The following PFN2 variants were observed in gnomAD, a reference collection of about 807,000 sequenced individuals.
The protein encoded by PFN2 is profilin-2.
Under a neutral mutation model 15.3 loss-of-function variants are expected in PFN2, and 8 were observed. That is an observed-to-expected ratio of 0.52 (90% CI 0.31 to 0.95). PFN2 has a LOEUF of 0.95. Ranked by LOEUF, PFN2 falls within the 40% of genes least tolerant of loss-of-function variation. The pLI is 0.05. For synonymous variants in PFN2, 79 were observed against 67.9 expected (o/e 1.16, Z -0.81); for missense variants, 111 against 182.3 (o/e 0.61, Z 2.25).
At position 149,966,532 on chromosome 3, in the gene PFN2, T is replaced by G. The variant is rs747945423; in HGVS notation, c.380A>C (p.Lys127Thr). The G allele has an allele frequency of 6.2e-7, 1 of 1,613,122 alleles. No homozygotes were observed. Among genetic ancestry groups the G allele is most frequent in the Non-Finnish European group, 8.5e-7 (1 of 1,179,096 alleles). ...CAAGTATTTTGCCATTGAGTATGCC[T>G]TCTTATTCAATCCGCCTCCATGGAC... ...EGVHGGGLNK[K>T]AYSMAKYLRD... Residue 127 changes from lysine to threonine, a missense_variant, in exon 3 of 3, where the codon AAG (lysine) becomes ACG (threonine). Transcript: ENST00000239940.
At chr3:149,967,155 G>A (rs890508377) in intron 2 of PFN2, among the ~76,000 whole-genome samples, 2 of 152,136 alleles carry the variant, frequency 1.3e-5, no homozygotes, top group African/African-American at 4.8e-5. Flanking sequence ...CTTCACCGTA[G>A]TAGCCTTGTT....
At chr3:149,969,083 T>C (rs1172211422) in intron 1 of PFN2, among the ~76,000 whole-genome samples, 3 of 152,204 alleles carry the variant, frequency 2.0e-5, no homozygotes, top group African/African-American at 4.8e-5. Context: ...CGTGATGAGA[T>C]GGACTTCAAC....
rs1722673738 is a variant in PFN2 at position 149,965,817 on chromosome 3, CT to C, written c.*671del. On this transcript the variant is annotated 3_prime_UTR_variant, in exon 3 of 3. Coordinates refer to ENST00000239940, the MANE Select transcript of PFN2 (RefSeq NM_053024.4). ...ATGAGCCAAGTAAATGCTCAAAGTG[CT>C]GAAAAGACACTGATCAGAGATTGTA... 9.2e-7 allele frequency: 1 copy of C among 1,085,702 alleles called. No homozygotes were observed. The highest frequency in any genetic ancestry group is 4.7e-5 in the Admixed American group (1 of 21,178). 67.3% of individuals were successfully genotyped at this position (1,085,702 alleles called of 1,614,324 possible).
Position 149,965,935 on chromosome 3 carries a change from T to C in PFN2, c.*554A>G. On this transcript the variant is annotated 3_prime_UTR_variant, in exon 3 of 3. Transcript: ENST00000239940. ...GTGATGCCCAACTTGGCATGCCCCC[T>C]CCCCCCAATTTCAAGGTATCATGCA... 7.6e-7 allele frequency: 1 copy of C among 1,320,928 alleles called. No homozygotes were observed. The highest frequency in any genetic ancestry group is 9.6e-7 in the Non-Finnish European group (1 of 1,038,646). The allele number at this position is 1,320,928 out of a possible 1,614,324, so 81.8% of individuals were successfully genotyped here. A position where few individuals can be genotyped will look rare whatever the true frequency, so the allele number is the denominator to read the frequency against.
In PFN2 at chr3:149,965,204, G is replaced by T. The variant is rs1227429673; in HGVS notation, c.*1285C>A. Reference sequence around the variant, plus strand: ...CAACAGTTCATTTTAACAATAGTATGGCACAGAATACATATGAAAAAAATT... The same window carrying T: ...CAACAGTTCATTTTAACAATAGTATTGCACAGAATACATATGAAAAAAATT... On this transcript the variant is annotated 3_prime_UTR_variant, in exon 3 of 3. Coordinates refer to ENST00000239940, the MANE Select transcript of PFN2 (RefSeq NM_053024.4). The T allele has an allele frequency of 2.0e-6, 3 of 1,520,082 alleles. No individual in the cohort carries two copies. In the East Asian group the frequency reaches 7.4e-5, roughly 37 times the overall value. The allele number at this position is 1,520,082 out of a possible 1,614,324, so 94.2% of individuals were successfully genotyped here. A position where few individuals can be genotyped will look rare whatever the true frequency, so the allele number is the denominator to read the frequency against.
Position 149,968,490 on chromosome 3 carries a change from T to C in PFN2, c.193A>G (p.Thr65Ala), listed in dbSNP as rs17851599. 6.2e-7 allele frequency: 1 copy of C among 1,613,400 alleles called. No homozygotes were observed. The highest frequency in any genetic ancestry group is 8.5e-7 in the Non-Finnish European group (1 of 1,179,888). The change falls in exon 2 of 3, where the codon ACT becomes GCT. Residue 65 changes from threonine to alanine, a missense_variant. Thr to Ala is a moderately conservative substitution (Grantham distance 58, BLOSUM62 0). Transcript: ENST00000239940. ...ACTGAGCATTTCTTCGCGCCAAGAG[T>C]CAAACCGTTGGTAAAGAAACCTTCC... ...DREGFFTNGL[T>A]LGAKKCSVIR...
chr3:149,969,892 T>TA (rs1296258961), intron 1 of PFN2, among the ~76,000 whole-genome samples: 2 of 152,126 alleles, frequency 1.3e-5, no homozygotes, highest in African/African-American at 4.8e-5. Flanking sequence ...GGGAGGGACT[T>TA]AGAGAAGTGA....
rs372786538 is a variant in PFN2, at chr3:149,965,154, T to C, written c.*1335A>G. 111 of 1,250,768 alleles carry C rather than the reference T, an allele frequency of 8.9e-5. No homozygotes were observed. In the East Asian group the frequency reaches 1.6e-3, roughly 18 times the overall value. 77.5% of individuals were successfully genotyped at this position (1,250,768 alleles called of 1,614,324 possible). A position where few individuals can be genotyped will look rare whatever the true frequency, so the allele number is the denominator to read the frequency against. On this transcript the variant is annotated 3_prime_UTR_variant, in exon 3 of 3. Transcript: ENST00000239940. ...CCATTCGAAAGAAACCCTTAATAGG[T>C]CAGTTAAAATCCATCTCACAATAGC...
Position 149,965,107 on chromosome 3 carries a change from C to G in PFN2, c.*1382G>C. The G allele has an allele frequency of 1.3e-6, 1 of 752,814 alleles. No individual in the cohort carries two copies. Among genetic ancestry groups the G allele is most frequent in the Non-Finnish European group, 2.0e-6 (1 of 488,522 alleles). The allele number at this position is 752,814 out of a possible 1,614,324, so 46.6% of individuals were successfully genotyped here. ...AAGGCCCAAACAATAGAAGCAAATACTAGAATGTCCCTAAAGTAGTGCCAT... is the reference window on the plus strand; with the variant it reads ...AAGGCCCAAACAATAGAAGCAAATAGTAGAATGTCCCTAAAGTAGTGCCAT... On this transcript the variant is annotated 3_prime_UTR_variant, in exon 3 of 3. Coordinates refer to ENST00000239940, the MANE Select transcript of PFN2 (RefSeq NM_053024.4).
intron 2 of PFN2, among the ~76,000 whole-genome samples, chr3:149,967,961 A>C (rs531775394): frequency 1.5e-4 from 23 of 152,318 alleles, no homozygotes; most frequent in African/African-American, 4.8e-4. Context: ...AAATGGTTAG[A>C]ATACAAGCAA....
Position 149,965,993 on chromosome 3 carries a change from T to G in PFN2, c.*496A>C. 1.4e-6 allele frequency: 2 copies of G among 1,387,396 alleles called. No homozygotes were observed. The highest frequency in any genetic ancestry group is 9.3e-7 in the Non-Finnish European group (1 of 1,071,388). The allele number at this position is 1,387,396 out of a possible 1,614,324, so 85.9% of individuals were successfully genotyped here. Reference sequence around the variant, plus strand: ...ATTGTGCTGCAATTATGTTGCCAGATAAGGGTTGGTTACATACAGTGGTTA... The same window carrying G: ...ATTGTGCTGCAATTATGTTGCCAGAGAAGGGTTGGTTACATACAGTGGTTA... On this transcript the variant is annotated 3_prime_UTR_variant, in exon 3 of 3. Coordinates refer to ENST00000239940, the MANE Select transcript of PFN2 (RefSeq NM_053024.4).
chr3:149,968,259 T>C (rs1722746068), intron 2 of PFN2, 99 bp downstream of exon 2: 28 of 1,078,178 alleles, frequency 2.6e-5, no homozygotes, highest in Non-Finnish European at 3.5e-5. Context: ...ACCACCTTAA[T>C]AGCCATTATG....
At chr3:149,966,641 A>C in intron 2 of PFN2, 55 bp from the exon 3 acceptor site, 6 of 1,358,176 alleles carry the variant, frequency 4.4e-6, no homozygotes, top group South Asian at 1.2e-5. Context: ...AGAAAGTCAC[A>C]TAAGTTTTAG....
At chr3:149,970,632 C>G in intron 1 of PFN2, 93 bp downstream of exon 1, 1 of 1,284,728 alleles carries the variant, frequency 7.8e-7, no homozygotes, top group East Asian at 3.3e-5. Flanking sequence ...CGGGCTCGGC[C>G]CTCAGTGTTC....
chr3:149,970,593 T>C, intron 1 of PFN2, 132 bp downstream of exon 1: 2 of 907,100 alleles, frequency 2.2e-6, no homozygotes, highest in Non-Finnish European at 2.9e-6. Flanking sequence ...GGCAGCCGCA[T>C]CCTCGGCGCC....
In PFN2 at chr3:149,965,496, T is replaced by C; in HGVS notation, c.*993A>G. ...GTTACTGTAAGGTCATGGGAGGAAG[T>C]GCTTTTTGCTCTTGTTTTGCCATTG... On this transcript the variant is annotated 3_prime_UTR_variant, in exon 3 of 3. Transcript: ENST00000239940. 7.1e-7 allele frequency: 1 copy of C among 1,410,500 alleles called. No individual in the cohort carries two copies. Among genetic ancestry groups the C allele is most frequent in the Non-Finnish European group, 9.2e-7 (1 of 1,089,282 alleles). 87.4% of individuals were successfully genotyped at this position (1,410,500 alleles called of 1,614,324 possible). A position where few individuals can be genotyped will look rare whatever the true frequency, so the allele number is the denominator to read the frequency against.
intron 2 of PFN2, among the ~76,000 whole-genome samples, chr3:149,966,910 T>C (rs984062936): frequency 3.3e-5 from 5 of 152,044 alleles, no homozygotes; most frequent in African/African-American, 1.2e-4. Flanking sequence ...TGATGTCAAG[T>C]ACATGTTATT....
Position 149,965,996 on chromosome 3 carries a change from G to C in PFN2, c.*493C>G. ...GTGCTGCAATTATGTTGCCAGATAA[G>C]GGTTGGTTACATACAGTGGTTAACA... is the stretch of plus-strand genomic sequence containing the variant. On this transcript the variant is annotated 3_prime_UTR_variant, in exon 3 of 3. Coordinates refer to ENST00000239940, the MANE Select transcript of PFN2 (RefSeq NM_053024.4). 7.1e-7 allele frequency: 1 copy of C among 1,408,086 alleles called. No homozygotes were observed. The highest frequency in any genetic ancestry group is 1.6e-5 in the South Asian group (1 of 60,636). The allele number at this position is 1,408,086 out of a possible 1,614,324, so 87.2% of individuals were successfully genotyped here.
rs1722649359 is a variant in PFN2 at position 149,965,179 on chromosome 3, C to T, written c.*1310G>A. On this transcript the variant is annotated 3_prime_UTR_variant, in exon 3 of 3. Coordinates refer to ENST00000239940, the MANE Select transcript of PFN2 (RefSeq NM_053024.4). ...TCAGTTAAAATCCATCTCACAATAG[C>T]AACAGTTCATTTTAACAATAGTATG... The T allele has an allele frequency of 3.4e-6, 5 of 1,474,684 alleles. No individual in the cohort carries two copies. The highest frequency in any genetic ancestry group is 4.5e-6 in the Non-Finnish European group (5 of 1,105,106). The allele number at this position is 1,474,684 out of a possible 1,614,324, so 91.3% of individuals were successfully genotyped here. A position where few individuals can be genotyped will look rare whatever the true frequency, so the allele number is the denominator to read the frequency against.
Sources: allele counts gnomAD v4.1 joint callset (sites outside exome capture counted in the v4.1 genomes callset), GRCh38; gene constraint gnomAD v4.1.1; transcripts MANE v1.5; gene names NCBI Gene and HGNC (gene_info 2026-07-23, HGNC 2026-07-21).